Variants in RAD51B observed in about 807,000 individuals in gnomAD.
RAD51B encodes the protein RAD51 paralog B.
A neutral mutation model predicts 42.2 loss-of-function variants in RAD51B; 38 were observed. The observed-to-expected ratio is 0.90, with a 90% CI of 0.70 to 1.18. RAD51B has a LOEUF of 1.18. RAD51B is among the 50% of genes most tolerant of loss of function. The probability of loss-of-function intolerance (pLI) is 0.00; values close to 1 mark genes in which losing one functional copy is unlikely to be tolerated. For synonymous variants in RAD51B, 154 were observed against 145.2 expected, an observed-to-expected ratio of 1.06 and a Z score of -0.43; for missense variants, 373 against 400.7, an observed-to-expected ratio of 0.93 and a Z score of 0.59.
chr14:68,598,053 C>T (rs892690928), downstream of RAD51B, among the ~76,000 whole-genome samples: 8 of 152,072 alleles, frequency 5.3e-5, no homozygotes, highest in Non-Finnish European at 1.0e-4. Context: ...ATGGCAGTCT[C>T]GGTCTGATTT....
chr14:68,349,140 C>A (rs1056497216), intron 8 of RAD51B, among the ~76,000 whole-genome samples: 2 of 151,820 alleles, frequency 1.3e-5, no homozygotes, highest in Non-Finnish European at 1.5e-5. Flanking sequence ...TTTTTTTTGT[C>A]TTTTTTTCAG....
At chr14:68,457,046 G>A (rs1163762175) in intron 9 of RAD51B, among the ~76,000 whole-genome samples, 1 of 151,508 alleles carries the variant, frequency 6.6e-6, no homozygotes, top group Admixed American at 6.6e-5. Flanking sequence ...CTGAGTAGCT[G>A]GGATTACAGG....
At chr14:67,825,731 T>G (rs759532707) in intron 3 of RAD51B, among the ~76,000 whole-genome samples, 154 bp downstream of exon 3, 12 of 152,144 alleles carry the variant, frequency 7.9e-5, no homozygotes, top group Non-Finnish European at 1.8e-4. Flanking sequence ...GGAAAATACA[T>G]GTGAAAATTT....
intron 8 of RAD51B, among the ~76,000 whole-genome samples, chr14:68,382,420 A>T (rs2083498450): frequency 6.6e-6 from 1 of 152,228 alleles, no homozygotes; most frequent in South Asian, 2.1e-4. Context: ...ATATTTTGTG[A>T]GAGGACAGAG....
chr14:68,143,117 G>C (rs1022407885), intron 7 of RAD51B, among the ~76,000 whole-genome samples: 2 of 152,174 alleles, frequency 1.3e-5, no homozygotes, highest in African/African-American at 4.8e-5. Flanking sequence ...AGAGAGCTGG[G>C]TACTTGTCCC....
At chr14:67,851,977 C>G (rs1044335953) in intron 4 of RAD51B, among the ~76,000 whole-genome samples, 17 of 152,186 alleles carry the variant, frequency 1.1e-4, no homozygotes, top group Admixed American at 9.1e-4. Flanking sequence ...GCAGCTGCAT[C>G]CTGCTGGAGG....
At chr14:67,820,861 G>A (rs1263277097) in intron 1 of RAD51B, among the ~76,000 whole-genome samples, 1 of 152,168 alleles carries the variant, frequency 6.6e-6, no homozygotes, top group African/African-American at 2.4e-5. Context: ...TCATATGACT[G>A]TAAAACAAGG....
chr14:68,517,833 GTA>G (rs1437269193), intron 10 of RAD51B, among the ~76,000 whole-genome samples: 3 of 152,140 alleles, frequency 2.0e-5, no homozygotes, highest in Non-Finnish European at 2.9e-5. Context: ...CTTGTCAAAG[GTA>G]TATGGATATT....
chr14:68,601,948 T>C (rs991694876), intron 10 of RAD51B, among the ~76,000 whole-genome samples: 5 of 152,154 alleles, frequency 3.3e-5, no homozygotes, highest in Non-Finnish European at 5.9e-5. Context: ...CTCTTCACCA[T>C]TCTCATGGGC....
intron 8 of RAD51B, among the ~76,000 whole-genome samples, chr14:68,334,750 A>G (rs577323728): frequency 6.6e-6 from 1 of 152,052 alleles, no homozygotes; most frequent in South Asian, 2.1e-4. Flanking sequence ...AATTCTTGGT[A>G]GTGGTTGTCA....
At chr14:68,167,093 T>C (rs1420581984) in intron 7 of RAD51B, among the ~76,000 whole-genome samples, 2 of 152,208 alleles carry the variant, frequency 1.3e-5, no homozygotes, top group African/African-American at 4.8e-5. Flanking sequence ...CATAGAATAT[T>C]ACTGTCTCAT....
intron 11 of RAD51B, among the ~76,000 whole-genome samples, chr14:68,672,555 T>G (rs1487978253): frequency 6.6e-6 from 1 of 152,204 alleles, no homozygotes; most frequent in Non-Finnish European, 1.5e-5. Context: ...AGGTCCATTT[T>G]TATATTGGAT....
At chr14:68,120,561 C>T (rs561388250) in intron 7 of RAD51B, among the ~76,000 whole-genome samples, 2 of 152,258 alleles carry the variant, frequency 1.3e-5, no homozygotes, top group Middle Eastern at 3.4e-3. Context: ...GGGGAAGACC[C>T]TTGTCCCCTG....
intron 7 of RAD51B, among the ~76,000 whole-genome samples, chr14:68,041,386 G>T (rs1310484042): frequency 6.6e-6 from 1 of 152,100 alleles, no homozygotes; most frequent in Non-Finnish European, 1.5e-5. Context: ...TTTTCTTCAT[G>T]CCATGCTATT....
intron 7 of RAD51B, among the ~76,000 whole-genome samples, chr14:67,897,651 C>CTTT (rs869311369): frequency 1.4e-5 from 2 of 141,502 alleles, no homozygotes; most frequent in East Asian, 2.0e-4. Flanking sequence ...CCCTTGTTCA[C>CTTT]TTTTTTTTTT....
At chr14:68,406,411 C>T (rs920522099) in intron 8 of RAD51B, among the ~76,000 whole-genome samples, 2 of 151,996 alleles carry the variant, frequency 1.3e-5, no homozygotes, top group Admixed American at 6.5e-5. Context: ...AATTGGAACA[C>T]AGTAGTAAGT....
chr14:67,905,144 C>T (rs2043743081), intron 7 of RAD51B, among the ~76,000 whole-genome samples: 1 of 152,034 alleles, frequency 6.6e-6, no homozygotes, highest in African/African-American at 2.4e-5. Context: ...GCCAGTTATC[C>T]CAGCACCATT....
At chr14:68,581,022 A>G (rs913654005) in intron 10 of RAD51B, among the ~76,000 whole-genome samples, 5 of 152,158 alleles carry the variant, frequency 3.3e-5, no homozygotes, top group African/African-American at 1.2e-4. Context: ...ACTTTTATTA[A>G]TATAGTAGAA....
rs186881736 is a variant in RAD51B at position 67,987,340 on chromosome 14, C to T, written c.756+100136C>T. 1.4e-3 allele frequency among the ~76,000 whole-genome samples: 217 copies of T among 152,244 alleles called. 1 individual carries two copies. The highest frequency in any genetic ancestry group is 4.9e-3 in the African/African-American group (203 of 41,520). On this transcript the variant is annotated intron_variant, in intron 7 of 10. Coordinates refer to ENST00000471583, the MANE Select transcript of RAD51B (RefSeq NM_133510.4). Reference sequence around the variant, plus strand: ...CCATTTCCACCTCCCGCTAAGTCCCCACTACCCTTCCCAGCCTCTGGTAAC... The same window carrying T: ...CCATTTCCACCTCCCGCTAAGTCCCTACTACCCTTCCCAGCCTCTGGTAAC...
Sources: gnomAD v4.1 joint callset for allele counts (sites outside exome capture counted in the v4.1 genomes callset) on GRCh38, gnomAD v4.1.1 for gene constraint, MANE v1.5 for transcripts, NCBI Gene and HGNC (gene_info 2026-07-23, HGNC 2026-07-21) for gene names.